The following MACROD2 variants were observed in gnomAD, a reference collection of about 807,000 sequenced individuals.
MACROD2 encodes the protein ADP-ribose glycohydrolase MACROD2.
A neutral mutation model predicts 70.4 loss-of-function variants in MACROD2; 36 were observed. The observed-to-expected ratio is 0.51, with a 90% CI of 0.39 to 0.68. The LOEUF (loss-of-function observed/expected upper bound fraction) is 0.68, where lower values mean the gene tolerates loss of function less well. Among genes scored for constraint, MACROD2 ranks in the 30% least tolerant of loss-of-function variants. The pLI is 0.00. For missense variants in MACROD2, 496 were observed against 538.4 expected (o/e 0.92, Z 0.78); for synonymous variants, 172 against 178.8 (o/e 0.96, Z 0.30).
intron 5 of MACROD2, among the ~76,000 whole-genome samples, chr20:14,702,676 CACATATATGTGT>C (rs1349778953): frequency 5.8e-5 from 4 of 68,474 alleles, no homozygotes; most frequent in Admixed American, 1.8e-4. Context: ...TATATATATA[CACATATATGTGT>C]ATATATATGT....
At chr20:14,423,492 G>A (rs950235701) in intron 3 of MACROD2, among the ~76,000 whole-genome samples, 19 of 151,784 alleles carry the variant, frequency 1.3e-4, no homozygotes, top group African/African-American at 4.6e-4. Context: ...GAGGTCAGGA[G>A]ATCGAGACCA....
intron 5 of MACROD2, among the ~76,000 whole-genome samples, chr20:15,220,564 C>T (rs1013103526): frequency 1.3e-5 from 2 of 152,152 alleles, no homozygotes; most frequent in South Asian, 2.1e-4. Flanking sequence ...GAGCTCTGAC[C>T]GATGGAAACT....
chr20:15,106,692 T>G (rs142481768), intron 5 of MACROD2, among the ~76,000 whole-genome samples: 180 of 152,276 alleles, frequency 1.2e-3, no homozygotes, highest in African/African-American at 3.7e-3. Flanking sequence ...GCATTGTTGA[T>G]ATGTCTTCTG....
chr20:14,300,778 G>A (rs192406559), intron 3 of MACROD2, among the ~76,000 whole-genome samples: 1 of 152,276 alleles, frequency 6.6e-6, no homozygotes, highest in Admixed American at 6.5e-5. Context: ...ATACCTAGAA[G>A]CAGCCATTGA....
chr20:14,254,432 A>T (rs2082037017), intron 3 of MACROD2, among the ~76,000 whole-genome samples: 1 of 152,076 alleles, frequency 6.6e-6, no homozygotes, highest in East Asian at 1.9e-4. Context: ...GTGGTAATAT[A>T]AAATTAAGAT....
intron 8 of MACROD2, among the ~76,000 whole-genome samples, chr20:15,797,782 AG>A (rs1402005721): frequency 2.6e-5 from 4 of 152,214 alleles, no homozygotes; most frequent in African/African-American, 9.6e-5. Flanking sequence ...AATCACCTGA[AG>A]GGCTTACTAA....
At chr20:14,636,875 G>A (rs1984815126) in intron 4 of MACROD2, among the ~76,000 whole-genome samples, 1 of 152,134 alleles carries the variant, frequency 6.6e-6, no homozygotes, top group Non-Finnish European at 1.5e-5. Flanking sequence ...TCCAGAGGAA[G>A]CAAAAACTGA....
intron 3 of MACROD2, among the ~76,000 whole-genome samples, chr20:14,237,157 A>G (rs889922659): frequency 3.9e-5 from 6 of 152,128 alleles, no homozygotes; most frequent in Non-Finnish European, 7.4e-5. Context: ...TGCTACCTCT[A>G]TAACAAGCTC....
intron 3 of MACROD2, among the ~76,000 whole-genome samples, chr20:14,337,953 T>G (rs1446897622): frequency 6.6e-6 from 1 of 152,234 alleles, no homozygotes; most frequent in East Asian, 1.9e-4. Flanking sequence ...AGGCTTTGTC[T>G]TATTTTTAAA....
intron 3 of MACROD2, among the ~76,000 whole-genome samples, chr20:14,139,914 A>C (rs893017432): frequency 2.0e-5 from 3 of 152,210 alleles, no homozygotes; most frequent in Non-Finnish European, 4.4e-5. Context: ...AGCATCTGCA[A>C]AGGAAAAATA....
chr20:15,145,366 AT>A (rs200455011), intron 5 of MACROD2, among the ~76,000 whole-genome samples: 23 of 151,012 alleles, frequency 1.5e-4, no homozygotes, highest in African/African-American at 4.4e-4. Flanking sequence ...GAATTACTCT[AT>A]TTTTTTTTGA....
intron 8 of MACROD2, among the ~76,000 whole-genome samples, chr20:15,840,128 G>A (rs922766058): frequency 6.6e-6 from 1 of 152,148 alleles, no homozygotes; most frequent in African/African-American, 2.4e-5. Flanking sequence ...CAAACTGCTA[G>A]AGAAAGTCTG....
chr20:14,983,768 A>ATG (rs1013031897), intron 5 of MACROD2, among the ~76,000 whole-genome samples: 1 of 151,950 alleles, frequency 6.6e-6, no homozygotes, highest in Non-Finnish European at 1.5e-5. Flanking sequence ...GCATGCTAAT[A>ATG]TGTGTGTGTG....
chr20:14,909,487 A>T (rs751808691), intron 5 of MACROD2, among the ~76,000 whole-genome samples: 15 of 152,000 alleles, frequency 9.9e-5, no homozygotes, highest in Non-Finnish European at 1.9e-4. Flanking sequence ...AACACTTGTT[A>T]CTTACCTTTC....
chr20:14,964,916 CTG>C (rs1201278713), intron 5 of MACROD2, among the ~76,000 whole-genome samples: 1 of 152,150 alleles, frequency 6.6e-6, no homozygotes, highest in Non-Finnish European at 1.5e-5. Context: ...GAATGAAAAA[CTG>C]TATTTGTGAA....
intron 16 of MACROD2, among the ~76,000 whole-genome samples, chr20:16,042,520 C>T (rs569318587): frequency 6.6e-6 from 1 of 152,142 alleles, no homozygotes; most frequent in Admixed American, 6.6e-5. Context: ...GGTAAAGAGA[C>T]ATGTTTAACA....
intron 3 of MACROD2, among the ~76,000 whole-genome samples, chr20:14,456,863 C>A (rs1265468531): frequency 6.6e-6 from 1 of 151,346 alleles, no homozygotes; most frequent in Non-Finnish European, 1.5e-5. Flanking sequence ...ACTACAGGTG[C>A]CCACCACCAC....
intron 8 of MACROD2, among the ~76,000 whole-genome samples, chr20:15,782,717 C>CAAAAAAAAAAATAA (rs2051854649): frequency 1.2e-5 from 1 of 83,358 alleles, no homozygotes; most frequent in African/African-American, 4.1e-5. Flanking sequence ...AGAGAAATGG[C>CAAAAAAAAAAATAA]AAAAAAAAAA....
chr20:14,663,194 G>A (rs1390005784), intron 4 of MACROD2, among the ~76,000 whole-genome samples: 6 of 151,962 alleles, frequency 3.9e-5, no homozygotes, highest in African/African-American at 9.7e-5. Flanking sequence ...CAGGGATGGA[G>A]GTGGAAGCCA....
Sources: gnomAD v4.1 joint callset for allele counts (sites outside exome capture counted in the v4.1 genomes callset) on GRCh38, gnomAD v4.1.1 for gene constraint, MANE v1.5 for transcripts, NCBI Gene and HGNC (gene_info 2026-07-23, HGNC 2026-07-21) for gene names.